The following SYNPR variants were observed in gnomAD, a reference collection of about 807,000 sequenced individuals.
SYNPR encodes synaptoporin.
SYNPR carries 23 observed loss-of-function variants against 32.9 expected under a neutral mutation model. That is an observed-to-expected ratio of 0.70 (90% CI 0.50 to 0.99). The LOEUF (loss-of-function observed/expected upper bound fraction) is 0.99, where lower values mean the gene tolerates loss of function less well. SYNPR is among the 50% of genes least tolerant of loss of function. SYNPR has a pLI of 0.00. For synonymous variants in SYNPR, 146 were observed against 135.9 expected (o/e 1.07, Z -0.52); for missense variants, 318 against 349.3 (o/e 0.91, Z 0.71).
intron 2 of SYNPR, among the ~76,000 whole-genome samples, chr3:63,479,473 T>C (rs1225383361): frequency 7.7e-6 from 1 of 130,204 alleles, no homozygotes; most frequent in Non-Finnish European, 1.7e-5. Context: ...CACACACACG[T>C]GACTCACAAA....
At chr3:63,256,793 C>T (rs1163373969) in intron 2 of SYNPR, among the ~76,000 whole-genome samples, 1 of 152,058 alleles carries the variant, frequency 6.6e-6, no homozygotes, top group Non-Finnish European at 1.5e-5. Flanking sequence ...GAAGTTCGAA[C>T]CCATGGCAAA....
intron 2 of SYNPR, among the ~76,000 whole-genome samples, chr3:63,354,081 T>C (rs1175208309): frequency 6.6e-6 from 1 of 152,192 alleles, no homozygotes; most frequent in East Asian, 1.9e-4. Flanking sequence ...TGCTTGAGTT[T>C]CCTCACAAAT....
At chr3:63,547,255 TC>T (rs1231711213) in intron 3 of SYNPR, among the ~76,000 whole-genome samples, 2 of 152,054 alleles carry the variant, frequency 1.3e-5, no homozygotes, top group African/African-American at 2.4e-5. Context: ...CTCTCTCTAT[TC>T]CCCCTTTGCA....
At chr3:63,418,089 C>T (rs975161292) in intron 2 of SYNPR, among the ~76,000 whole-genome samples, 20 of 152,160 alleles carry the variant, frequency 1.3e-4, no homozygotes, top group African/African-American at 4.8e-4. Flanking sequence ...CTCTGCTTCC[C>T]TTATGAAACT....
intron 2 of SYNPR, among the ~76,000 whole-genome samples, chr3:63,292,523 C>T (rs2086750066): frequency 6.6e-6 from 1 of 152,188 alleles, no homozygotes; most frequent in Non-Finnish European, 1.5e-5. Context: ...CCATTAGTTA[C>T]AAGCTATGTG....
At chr3:63,206,801 G>A in the SYNPR span, among the ~76,000 whole-genome samples, 1 of 152,268 alleles carries the variant, frequency 6.6e-6, no homozygotes, top group Non-Finnish European at 1.5e-5. Flanking sequence ...ATAGCTAATG[G>A]TACTAGAAGT....
chr3:63,374,967 T>C (rs545198910), intron 2 of SYNPR, among the ~76,000 whole-genome samples: 1 of 152,198 alleles, frequency 6.6e-6, no homozygotes, highest in Non-Finnish European at 1.5e-5. Flanking sequence ...ACCAGTACCA[T>C]GCTGTTTTGG....
intron 4 of SYNPR, among the ~76,000 whole-genome samples, chr3:63,570,421 T>C (rs1450194188): frequency 1.3e-5 from 2 of 152,220 alleles, no homozygotes; most frequent in African/African-American, 4.8e-5. Context: ...AGCGTTCACA[T>C]GCTCTTCAGA....
chr3:63,203,451 T>C, the SYNPR span: 1 of 152,330 alleles, frequency 6.6e-6, no homozygotes, highest in Non-Finnish European at 1.5e-5. Context: ...TCCATCATCC[T>C]AGCTAAAGCT....
chr3:63,280,199 A>T (rs1423930491), intron 2 of SYNPR, among the ~76,000 whole-genome samples: 1 of 152,194 alleles, frequency 6.6e-6, no homozygotes, highest in East Asian at 1.9e-4. Flanking sequence ...GTTCGTGTAC[A>T]CACCAATACT....
At chr3:63,548,258 G>A (rs1189900501) in intron 3 of SYNPR, among the ~76,000 whole-genome samples, 5 of 152,112 alleles carry the variant, frequency 3.3e-5, no homozygotes, top group African/African-American at 4.8e-5. Flanking sequence ...AAACAACTAA[G>A]AGCTGGTATC....
the SYNPR span, among the ~76,000 whole-genome samples, chr3:63,210,768 C>T: frequency 2.0e-5 from 3 of 149,682 alleles, no homozygotes; most frequent in African/African-American, 4.9e-5. Context: ...TCCTTTTTCT[C>T]CCTCCCTCCC....
In SYNPR at chr3:63,426,044, C is replaced by CA. The variant is rs34080835; in HGVS notation, c.85-54785dup. Among the ~76,000 whole-genome samples, 242 of 152,268 alleles carry CA rather than the reference C, an allele frequency of 1.6e-3. 3 individuals are homozygous for CA. In the East Asian group the frequency reaches 0.035, roughly 22 times the overall value. On this transcript the variant is annotated intron_variant, in intron 2 of 5. Coordinates refer to ENST00000478300, the MANE Select transcript of SYNPR (RefSeq NM_001130003.2). ...TTGTGATCCACCCGCCTCGACCTCC[C>CA]AAAGTGCTGGAATTACGGGCATGAG...
chr3:63,596,963 C>G (rs1313657635), intron 4 of SYNPR, among the ~76,000 whole-genome samples: 2 of 151,994 alleles, frequency 1.3e-5, no homozygotes, highest in Non-Finnish European at 2.9e-5. Flanking sequence ...ATACACATCA[C>G]GTTTCAAAGA....
At chr3:63,327,451 A>G (rs1309049527) in intron 2 of SYNPR, among the ~76,000 whole-genome samples, 1 of 152,140 alleles carries the variant, frequency 6.6e-6, no homozygotes, top group Non-Finnish European at 1.5e-5. Context: ...TATGTATTAT[A>G]AATGTATTAT....
intron 2 of SYNPR, among the ~76,000 whole-genome samples, chr3:63,376,091 C>A (rs995996351): frequency 2.0e-5 from 3 of 152,120 alleles, no homozygotes; most frequent in Non-Finnish European, 4.4e-5. Flanking sequence ...CTCAATAGAA[C>A]TTTTTGGGCC....
At chr3:63,472,581 T>C (rs568839684) in intron 2 of SYNPR, among the ~76,000 whole-genome samples, 5 of 152,278 alleles carry the variant, frequency 3.3e-5, no homozygotes, top group African/African-American at 9.6e-5. Flanking sequence ...TTCATATATT[T>C]GCTTACTCAA....
At chr3:63,480,712 G>A in intron 2 of SYNPR, 120 bp from the exon 3 acceptor site, 2 of 1,310,690 alleles carry the variant, frequency 1.5e-6, no homozygotes, top group East Asian at 4.9e-5. Flanking sequence ...CAAGGGCAAT[G>A]CTCTTCTTCA....
intron 2 of SYNPR, among the ~76,000 whole-genome samples, chr3:63,424,508 C>A (rs1402071799): frequency 6.6e-6 from 1 of 152,104 alleles, no homozygotes; most frequent in Non-Finnish European, 1.5e-5. Flanking sequence ...AAGCATTTAG[C>A]ACATAGTAAA....
Sources: gnomAD v4.1 joint callset for allele counts (sites outside exome capture counted in the v4.1 genomes callset) on GRCh38, gnomAD v4.1.1 for gene constraint, MANE v1.5 for transcripts, NCBI Gene and HGNC (gene_info 2026-07-23, HGNC 2026-07-21) for gene names.